GPHN: variants seen among roughly 807,000 people sequenced by gnomAD.
GPHN encodes gephyrin.
Under a neutral mutation model 95.5 loss-of-function variants are expected in GPHN, and 17 were observed. The observed-to-expected ratio is 0.18, with a 90% CI of 0.12 to 0.27. The LOEUF is 0.27. Ranked by LOEUF, GPHN falls within the 10% of genes least tolerant of loss-of-function variation. The probability of loss-of-function intolerance (pLI) is 1.00; values close to 1 mark genes in which losing one functional copy is unlikely to be tolerated. For synonymous variants in GPHN, 320 were observed against 322.5 expected, an observed-to-expected ratio of 0.99 and a Z score of 0.08; for missense variants, 660 against 978.1, an observed-to-expected ratio of 0.67 and a Z score of 4.34.
chr14:66,637,461 A>G (rs2064161611), intron 1 of GPHN, among the ~76,000 whole-genome samples: 1 of 152,150 alleles, frequency 6.6e-6, no homozygotes, highest in East Asian at 1.9e-4. Context: ...CTAACCAGTA[A>G]GATATAGATA....
At chr14:67,708,128 C>A in the GPHN span, among the ~76,000 whole-genome samples, 1 of 152,132 alleles carries the variant, frequency 6.6e-6, no homozygotes, top group Non-Finnish European at 1.5e-5. Flanking sequence ...CAGAGAGACA[C>A]AAATATGCCC....
chr14:66,546,742 G>A (rs1325431340), intron 1 of GPHN, among the ~76,000 whole-genome samples: 1 of 147,806 alleles, frequency 6.8e-6, no homozygotes, highest in Non-Finnish European at 1.5e-5. Flanking sequence ...GCTTCAGCTC[G>A]GTATCAGAGG....
the GPHN span, chr14:67,340,174 A>C: frequency 5.3e-6 from 2 of 380,608 alleles, no homozygotes. Context: ...TGACTATCTT[A>C]AAACATATAT....
At chr14:67,623,533 CCTTTTT>C in the GPHN span, among the ~76,000 whole-genome samples, 1 of 120,082 alleles carries the variant, frequency 8.3e-6, no homozygotes, top group South Asian at 2.6e-4. Flanking sequence ...TCTCAGGTAA[CCTTTTT>C]TTTTTTTTTT....
chr14:66,832,019 T>C (rs2061600109), intron 4 of GPHN, among the ~76,000 whole-genome samples: 1 of 152,096 alleles, frequency 6.6e-6, no homozygotes, highest in Non-Finnish European at 1.5e-5. Context: ...TGTTGTTGCA[T>C]GGCTGTGGTC....
chr14:66,770,972 A>C (rs577676575), intron 2 of GPHN, among the ~76,000 whole-genome samples: 13 of 152,286 alleles, frequency 8.5e-5, no homozygotes, highest in African/African-American at 3.1e-4. Context: ...TCCCGTATAG[A>C]TAAGAAAGGA....
chr14:67,056,852 G>C (rs556474722), intron 10 of GPHN, among the ~76,000 whole-genome samples: 2 of 152,184 alleles, frequency 1.3e-5, no homozygotes, highest in Admixed American at 6.5e-5. Context: ...CAGGTCCTGA[G>C]CCCTGCCCCG....
the GPHN span, chr14:67,201,824 C>T: frequency 3.9e-6 from 1 of 257,650 alleles, no homozygotes; most frequent in Admixed American, 5.0e-5. Flanking sequence ...TATCATACAG[C>T]TGAGAAACTA....
chr14:67,604,712 A>G, the GPHN span, among the ~76,000 whole-genome samples: 2 of 124,214 alleles, frequency 1.6e-5, no homozygotes, highest in African/African-American at 6.1e-5. Context: ...AACAAACAAA[A>G]CAACAACAAC....
chr14:67,301,295 T>C, the GPHN span: 3 of 587,534 alleles, frequency 5.1e-6, no homozygotes, highest in Non-Finnish European at 8.5e-6. Flanking sequence ...ATTTTTATTA[T>C]TTTAATTTGT....
At chr14:67,577,529 C>A in the GPHN span, 2 of 690,476 alleles carry the variant, frequency 2.9e-6, no homozygotes, top group African/African-American at 3.6e-5. Flanking sequence ...GGGAAGGAAA[C>A]TTCCCAGGGT....
At chr14:67,659,707 A>C in the GPHN span, 3 of 1,568,104 alleles carry the variant, frequency 1.9e-6, no homozygotes, top group South Asian at 1.2e-5. Context: ...GAAAAAAAAA[A>C]CAAACAAAAC....
At chr14:66,554,445 A>T (rs190403382) in intron 1 of GPHN, among the ~76,000 whole-genome samples, 1 of 152,216 alleles carries the variant, frequency 6.6e-6, no homozygotes, top group African/African-American at 2.4e-5. Context: ...ATGGCTAGGG[A>T]GGCCTCAGGA....
chr14:67,343,504 T>C, the GPHN span: 1 of 1,146,796 alleles, frequency 8.7e-7, no homozygotes, highest in Non-Finnish European at 1.3e-6. Flanking sequence ...ATCACTTGAC[T>C]CCACTAAGAC....
At chr14:67,215,467 C>A in the GPHN span, among the ~76,000 whole-genome samples, 1 of 150,792 alleles carries the variant, frequency 6.6e-6, no homozygotes, top group Admixed American at 6.6e-5. Flanking sequence ...GACAGAAGGG[C>A]AACTTGTAAG....
the GPHN span, chr14:67,397,666 C>G: frequency 6.2e-7 from 1 of 1,609,328 alleles, no homozygotes; most frequent in Admixed American, 1.7e-5. Flanking sequence ...ACTTACCGGT[C>G]GGTTTTCATA....
intron 1 of GPHN, among the ~76,000 whole-genome samples, chr14:66,630,963 A>G (rs2063775487): frequency 6.6e-6 from 1 of 151,296 alleles, no homozygotes; most frequent in South Asian, 2.1e-4. Flanking sequence ...CTCTTACTTA[A>G]CTTTAGTGGA....
rs143390357 is a variant in GPHN at position 67,042,713 on chromosome 14, G to A, written c.1007-15936G>A. 2.0e-3 allele frequency among the ~76,000 whole-genome samples: 301 copies of A among 152,256 alleles called. 1 individual carries two copies. The highest frequency in any genetic ancestry group is 3.4e-3 in the Middle Eastern group (1 of 294). ...CCCAGGATTGTCATTGGCTATGTGG[G>A]CTCTTTTTTGGTTCCATATGAAGTT... On this transcript the variant is annotated intron_variant, in intron 10 of 22. Coordinates refer to ENST00000478722, the MANE Select transcript of GPHN (RefSeq NM_020806.5).
At chr14:67,676,676 A>C in the GPHN span, 2 of 152,358 alleles carry the variant, frequency 1.3e-5, no homozygotes, top group East Asian at 3.9e-4. Flanking sequence ...GAACAATTAG[A>C]TTATCACACA....
Sources: allele counts gnomAD v4.1 joint callset (sites outside exome capture counted in the v4.1 genomes callset), GRCh38; gene constraint gnomAD v4.1.1; transcripts MANE v1.5; gene names NCBI Gene and HGNC (gene_info 2026-07-23, HGNC 2026-07-21).